ZFP3: variants seen among roughly 807,000 people sequenced by gnomAD.
ZFP3 encodes the protein ZFP3 zinc finger protein.
ZFP3 carries 18 observed loss-of-function variants against 36.7 expected under a neutral mutation model. The observed-to-expected ratio is 0.49, with a 90% CI of 0.34 to 0.73. The LOEUF is 0.73. ZFP3 is among the 30% of genes least tolerant of loss of function. ZFP3 has a pLI of 0.01. For missense variants in ZFP3, 495 were observed against 599.0 expected (o/e 0.83, Z 1.81); for synonymous variants, 218 against 199.0 (o/e 1.10, Z -0.81).
chr17:5,095,350 A>G lies in ZFP3; in HGVS notation c.*2337A>G, dbSNP rs2072175117. The G allele has an allele frequency of 6.0e-6, 1 of 167,076 alleles. No individual in the cohort carries two copies. The highest frequency in any genetic ancestry group is 6.5e-5 in the Admixed American group (1 of 15,278). 10.3% of individuals were successfully genotyped at this position (167,076 alleles called of 1,614,324 possible). A position where few individuals can be genotyped will look rare whatever the true frequency, so the allele number is the denominator to read the frequency against. On this transcript the variant is annotated 3_prime_UTR_variant, in exon 2 of 2. Coordinates refer to ENST00000318833, the MANE Select transcript of ZFP3 (RefSeq NM_153018.3). ...TTACTTCTTCCCTTAGGTTGATTACAAGTGAAGTGCGCCGTCTTATTCCTT... is the reference window on the plus strand; with the variant it reads ...TTACTTCTTCCCTTAGGTTGATTACGAGTGAAGTGCGCCGTCTTATTCCTT...
intron 1 of ZFP3, among the ~76,000 whole-genome samples, chr17:5,083,327 G>A (rs140452660): frequency 2.0e-5 from 3 of 152,180 alleles, no homozygotes; most frequent in Admixed American, 2.0e-4. Context: ...GGACGCCGAG[G>A]TGGATGGATC....
chr17:5,095,235 T>C lies in ZFP3; in HGVS notation c.*2222T>C, dbSNP rs1182819725. ...TTATATCCTTGGCTTGAGAAAAGGG[T>C]TGTACAAATAGATGATTGCAGAGTT... On this transcript the variant is annotated 3_prime_UTR_variant, in exon 2 of 2. Coordinates refer to ENST00000318833, the MANE Select transcript of ZFP3 (RefSeq NM_153018.3). The C allele has an allele frequency of 6.0e-6, 1 of 167,056 alleles. No individual in the cohort carries two copies. The highest frequency in any genetic ancestry group is 2.4e-5 in the African/African-American group (1 of 41,436). The allele number at this position is 167,056 out of a possible 1,614,324, so 10.3% of individuals were successfully genotyped here.
Position 5,091,765 on chromosome 17 carries a change from G to T in ZFP3, c.261G>T (p.Glu87Asp). Residue 87 changes from glutamate to aspartate, a missense_variant, in exon 2 of 2, where the codon GAG (glutamate) becomes GAT (aspartate). Glu to Asp is a conservative substitution (Grantham distance 45). Transcript: ENST00000318833. Reference sequence around the variant, plus strand: ...CACCCTCAAGTGAGAAAGACCGGGAGAATAATGAGAGTGAGAGAGGCTGCA... The same window carrying T: ...CACCCTCAAGTGAGAAAGACCGGGATAATAATGAGAGTGAGAGAGGCTGCA... ...KKSPSSEKDR[E>D]NNESERGCSP... 1 of 1,614,214 alleles carries T rather than the reference G, an allele frequency of 6.2e-7. No individual in the cohort carries two copies. The highest frequency in any genetic ancestry group is 8.5e-7 in the Non-Finnish European group (1 of 1,180,042).
intron 1 of ZFP3, among the ~76,000 whole-genome samples, chr17:5,079,932 G>C (rs1336943498): frequency 5.3e-5 from 8 of 152,196 alleles, no homozygotes; most frequent in Admixed American, 5.2e-4. Flanking sequence ...CCAGCTGCTT[G>C]GGAGGCTGAG....
intron 1 of ZFP3, among the ~76,000 whole-genome samples, chr17:5,081,865 T>C (rs2072095316): frequency 6.7e-6 from 1 of 148,928 alleles, no homozygotes; most frequent in Non-Finnish European, 1.5e-5. Flanking sequence ...CCTCCCAAAG[T>C]GTTGGGATTA....
chr17:5,091,720 G>A lies in ZFP3; in HGVS notation c.216G>A (p.Gly72=), dbSNP rs767725330. The A allele has an allele frequency of 2.5e-6, 4 of 1,614,090 alleles. No individual in the cohort carries two copies. The African/African-American group carries it at 5.3e-5, about 22-fold the overall frequency. Residue 72 remains glycine, a synonymous_variant, in exon 2 of 2, where the codon GGG becomes GGA. Transcript: ENST00000318833. The stretch of plus-strand genomic sequence containing the variant: ...CTCAGGAGAGAGACTTTCCATCAGG[G>A]TTGATGATCTTTAAGAAATCACCCT... The part of the protein sequence containing the change: ...MSPQERDFPS[G]LMIFKKSPSS...
rs748337113 is a variant in ZFP3, at chr17:5,092,167, A to C, written c.663A>C (p.Gly221=). The C allele has an allele frequency of 6.2e-7, 1 of 1,614,208 alleles. No individual in the cohort carries two copies. The highest frequency in any genetic ancestry group is 1.1e-5 in the South Asian group (1 of 91,086). Residue 221 remains glycine, a synonymous_variant, in exon 2 of 2, where the codon GGA becomes GGC. Transcript: ENST00000318833. This position sits in a 1 kb window ranked among gnomAD's most constrained non-coding sequence, Gnocchi z 5.0. ...TTCACCATCATAGAATTCATACTGG[A>C]GAGAGACCCTATAAATGTGAAGAAT... ...HLIHHHRIHT[G]ERPYKCEECG...
rs2072159324 is a variant in ZFP3, at chr17:5,093,050, AG to A, written c.*38del. The A allele has an allele frequency of 1.3e-6, 2 of 1,520,512 alleles. No homozygotes were observed. Among genetic ancestry groups the A allele is most frequent in the East Asian group, 4.5e-5 (2 of 44,028 alleles). 94.2% of individuals were successfully genotyped at this position (1,520,512 alleles called of 1,614,324 possible). On this transcript the variant is annotated 3_prime_UTR_variant, in exon 2 of 2. Coordinates refer to ENST00000318833, the MANE Select transcript of ZFP3 (RefSeq NM_153018.3). ...GGAAAGCTTTTAGTGGAAAAGCTAA[AG>A]TCCAACTTATTCATTTGTTCATAAT...
Position 5,092,393 on chromosome 17 carries a change from A to G in ZFP3, c.889A>G (p.Ile297Val). The G allele has an allele frequency of 1.2e-6, 2 of 1,614,222 alleles. No individual in the cohort carries two copies. The highest frequency in any genetic ancestry group is 1.7e-6 in the Non-Finnish European group (2 of 1,180,030). ...GKAFKHSSGLIRHQKIHTGEK... is the reference protein window; with the variant it reads ...GKAFKHSSGLVRHQKIHTGEK... ...AGCCTTCAAGCATAGCTCAGGCCTT[A>G]TTAGACACCAGAAAATTCATACTGG... Residue 297 changes from isoleucine (I) to valine (V), a missense_variant, in exon 2 of 2, where the codon ATT (isoleucine) becomes GTT (valine). Physicochemically the swap from Ile to Val is conservative, Grantham distance 29. Coordinates refer to ENST00000318833, the MANE Select transcript of ZFP3 (RefSeq NM_153018.3). This position sits in a 1 kb window ranked among gnomAD's most constrained non-coding sequence, Gnocchi z 5.0.
chr17:5,093,234 G>T lies in ZFP3; in HGVS notation c.*221G>T, dbSNP rs542466004. 1 of 500,312 alleles carries T rather than the reference G, an allele frequency of 2.0e-6. No homozygotes were observed. The highest frequency in any genetic ancestry group is 2.0e-5 in the African/African-American group (1 of 49,596). The allele number at this position is 500,312 out of a possible 1,614,324, so 31.0% of individuals were successfully genotyped here. ...GCTCTGTTGCCCAGGATGGGATGCA[G>T]TGGCACAGTCGTAACTCACTGCTTC... On this transcript the variant is annotated 3_prime_UTR_variant, in exon 2 of 2. Transcript: ENST00000318833.
chr17:5,081,303 G>T (rs143202192), intron 1 of ZFP3, among the ~76,000 whole-genome samples: 8 of 151,760 alleles, frequency 5.3e-5, no homozygotes, highest in African/African-American at 1.9e-4. Flanking sequence ...CGTGTTAGCC[G>T]TGATGTCTGT....
intron 1 of ZFP3, 142 bp from the exon 2 acceptor site, chr17:5,091,355 C>A: frequency 2.3e-6 from 2 of 881,894 alleles, no homozygotes; most frequent in Non-Finnish European, 3.4e-6. Flanking sequence ...TCAAGCAATC[C>A]TCCTGCCTCA....
chr17:5,079,293 G>A (rs1336990411), intron 1 of ZFP3, among the ~76,000 whole-genome samples: 6 of 152,108 alleles, frequency 3.9e-5, no homozygotes, highest in African/African-American at 1.4e-4. Flanking sequence ...AGGCCTAGGC[G>A]GGAGGATCAC....
At chr17:5,088,670 G>C (rs755729569) in intron 1 of ZFP3, among the ~76,000 whole-genome samples, 1 of 151,142 alleles carries the variant, frequency 6.6e-6, no homozygotes, top group African/African-American at 2.4e-5. Flanking sequence ...AGATGGTCTC[G>C]ATCTTCTGAC....
chr17:5,091,587 T>C lies in ZFP3; in HGVS notation c.83T>C (p.Phe28Ser). ...CCACATGGGTCATTATTAGAAAAAT[T>C]TCCAAAAGTGGTTTACCAAGGTCAT... is the stretch of plus-strand genomic sequence containing the variant. ...SEPHGSLLEK[F>S]PKVVYQGHEF... Residue 28 changes from phenylalanine (F) to serine (S), a missense_variant, in exon 2 of 2, where the codon TTT becomes TCT. Around this residue, in one of 3 missense-constraint regions of ZFP3, gnomAD observed 229 missense variants for 233.8 expected, o/e 0.98. Coordinates refer to ENST00000318833, the MANE Select transcript of ZFP3 (RefSeq NM_153018.3). The C allele has an allele frequency of 6.2e-7, 1 of 1,614,154 alleles. No homozygotes were observed. Among genetic ancestry groups the C allele is most frequent in the Non-Finnish European group, 8.5e-7 (1 of 1,180,036 alleles).
chr17:5,082,560 T>C (rs1222314325), intron 1 of ZFP3, among the ~76,000 whole-genome samples: 1 of 152,076 alleles, frequency 6.6e-6, no homozygotes, highest in African/African-American at 2.4e-5. Context: ...GGGTCTCTTA[T>C]TCTGTCACCC....
At chr17:5,085,261 G>T (rs1305626616) in intron 1 of ZFP3, among the ~76,000 whole-genome samples, 1 of 152,064 alleles carries the variant, frequency 6.6e-6, no homozygotes, top group Non-Finnish European at 1.5e-5. Context: ...GTCCAGGCTG[G>T]TCTCGAACTC....
At chr17:5,081,095 T>C (rs9894180) in intron 1 of ZFP3, among the ~76,000 whole-genome samples, 58,968 of 142,272 alleles carry the variant, frequency 0.41, 12,521 homozygotes, top group Non-Finnish European at 0.49. Flanking sequence ...TTTCTGTTCT[T>C]TTTTTTTTTT....
chr17:5,092,638 A>G lies in ZFP3; in HGVS notation c.1134A>G (p.Ser378=). ...KECGKAFRGN[S]ELLRHERIHT... is the part of the protein sequence containing the mutation. ...GTGGGAAGGCCTTCAGGGGGAACTC[A>G]GAACTTCTTAGACATGAGAGAATTC... Residue 378 remains serine, a synonymous_variant, in exon 2 of 2, where the codon TCA becomes TCG. Coordinates refer to ENST00000318833, the MANE Select transcript of ZFP3 (RefSeq NM_153018.3). This position sits in a 1 kb window ranked among gnomAD's most constrained non-coding sequence, Gnocchi z 5.0. 6.2e-7 allele frequency: 1 copy of G among 1,614,170 alleles called. No individual in the cohort carries two copies. The highest frequency in any genetic ancestry group is 8.5e-7 in the Non-Finnish European group (1 of 1,180,030).
Sources: gnomAD v4.1 joint callset for allele counts (sites outside exome capture counted in the v4.1 genomes callset) on GRCh38, gnomAD v4.1.1 for gene constraint, gnomAD v4.1.1 regional missense constraint, Gnocchi (gnomAD v3.1) non-coding constraint, MANE v1.5 for transcripts, NCBI Gene and HGNC (gene_info 2026-07-23, HGNC 2026-07-21) for gene names.